The following CDH12 variants were observed in gnomAD, a reference collection of about 807,000 sequenced individuals.
CDH12 encodes cadherin 12, also known as cadherin-12.
CDH12 carries 41 observed loss-of-function variants against 74.1 expected under a neutral mutation model. The observed-to-expected ratio is 0.55, with a 90% CI of 0.43 to 0.72. The LOEUF is 0.72. Ranked by LOEUF, CDH12 falls within the 30% of genes least tolerant of loss-of-function variation. The probability of loss-of-function intolerance (pLI) is 0.00; values close to 1 mark genes in which losing one functional copy is unlikely to be tolerated. For synonymous variants in CDH12, 399 were observed against 355.0 expected, an observed-to-expected ratio of 1.12 and a Z score of -1.39; for missense variants, 945 against 977.2, an observed-to-expected ratio of 0.97 and a Z score of 0.44.
At chr5:22,462,755 A>C (rs764689674) in intron 2 of CDH12, among the ~76,000 whole-genome samples, 7 of 152,180 alleles carry the variant, frequency 4.6e-5, no homozygotes, top group Non-Finnish European at 1.0e-4. Flanking sequence ...GCACACACTG[A>C]AATTAAATAA....
At chr5:22,255,458 A>T (rs1365565566) in intron 3 of CDH12, among the ~76,000 whole-genome samples, 1 of 151,798 alleles carries the variant, frequency 6.6e-6, no homozygotes, top group African/African-American at 2.4e-5. Context: ...ATTTTTTGTT[A>T]CATCATTAGC....
intron 3 of CDH12, among the ~76,000 whole-genome samples, chr5:22,365,611 T>G (rs1740996585): frequency 6.6e-6 from 1 of 152,212 alleles, no homozygotes; most frequent in African/African-American, 2.4e-5. Context: ...GTTAACTAGC[T>G]AGATTAATTA....
intron 1 of CDH12, among the ~76,000 whole-genome samples, chr5:22,676,247 CA>C (rs1280015817): frequency 6.6e-6 from 1 of 151,828 alleles, no homozygotes; most frequent in African/African-American, 2.4e-5. Context: ...CAAAAGTCAC[CA>C]GAAAATTAAA....
At chr5:21,840,260 A>G (rs1749764904) in intron 8 of CDH12, among the ~76,000 whole-genome samples, 1 of 152,140 alleles carries the variant, frequency 6.6e-6, no homozygotes, top group Non-Finnish European at 1.5e-5. Context: ...CATTTATATT[A>G]CTTTCTCAGT....
chr5:22,615,556 A>G (rs1737651336), intron 1 of CDH12, among the ~76,000 whole-genome samples: 1 of 152,116 alleles, frequency 6.6e-6, no homozygotes, highest in Middle Eastern at 3.2e-3. Context: ...GATCCCTGTC[A>G]AATGAAACTT....
chr5:22,402,962 G>T (rs976760793), intron 3 of CDH12, among the ~76,000 whole-genome samples: 1 of 152,186 alleles, frequency 6.6e-6, no homozygotes, highest in Admixed American at 6.5e-5. Context: ...GTGATGGAAA[G>T]AAGGAAGATG....
intron 5 of CDH12, among the ~76,000 whole-genome samples, chr5:21,979,671 T>C (rs995149347): frequency 9.8e-5 from 15 of 152,296 alleles, no homozygotes; most frequent in African/African-American, 3.6e-4. Flanking sequence ...TTTATTTTCA[T>C]TTGTCATTTG....
chr5:22,618,849 T>C (rs143337192), intron 1 of CDH12, among the ~76,000 whole-genome samples: 294 of 152,110 alleles, frequency 1.9e-3, no homozygotes, highest in Middle Eastern at 6.8e-3. Context: ...GCTCTCATGA[T>C]AGTGAGTAAG....
chr5:22,259,046 T>C (rs887053565), intron 3 of CDH12, among the ~76,000 whole-genome samples: 3 of 152,164 alleles, frequency 2.0e-5, no homozygotes, highest in Admixed American at 6.6e-5. Flanking sequence ...TACACACAAA[T>C]GTAAAATTTT....
At chr5:22,730,307 G>C (rs183445027) in intron 1 of CDH12, among the ~76,000 whole-genome samples, 76 of 151,764 alleles carry the variant, frequency 5.0e-4, no homozygotes, top group Admixed American at 1.1e-3. Flanking sequence ...TAATTTAAGA[G>C]GATAAGACCC....
chr5:22,666,580 G>A (rs891580607), intron 1 of CDH12, among the ~76,000 whole-genome samples: 2 of 151,898 alleles, frequency 1.3e-5, no homozygotes, highest in African/African-American at 4.8e-5. Context: ...TTGAGCCACC[G>A]CGCCCGGCCC....
chr5:21,865,723 A>G (rs1299309432), intron 6 of CDH12, among the ~76,000 whole-genome samples: 1 of 152,120 alleles, frequency 6.6e-6, no homozygotes, highest in Non-Finnish European at 1.5e-5. Context: ...GGGCTGTAAG[A>G]TCATGGTAGC....
chr5:22,182,030 T>C (rs574161229), intron 4 of CDH12, among the ~76,000 whole-genome samples: 40 of 152,262 alleles, frequency 2.6e-4, no homozygotes, highest in South Asian at 2.1e-4. Flanking sequence ...GTTTTCTAAG[T>C]ATATCACTCC....
At chr5:22,042,903 A>G (rs1739676280) in intron 5 of CDH12, among the ~76,000 whole-genome samples, 1 of 151,558 alleles carries the variant, frequency 6.6e-6, no homozygotes, top group Non-Finnish European at 1.5e-5. Context: ...AAAAAAAAAA[A>G]AAAAAAAAAT....
intron 6 of CDH12, among the ~76,000 whole-genome samples, chr5:21,974,068 A>G (rs1476679465): frequency 3.9e-5 from 6 of 152,088 alleles, no homozygotes; most frequent in Non-Finnish European, 8.8e-5. Flanking sequence ...ATTATAGTAA[A>G]TCCATGTGAC....
intron 4 of CDH12, among the ~76,000 whole-genome samples, chr5:22,097,955 G>C (rs1040862930): frequency 6.6e-6 from 1 of 152,060 alleles, no homozygotes; most frequent in African/African-American, 2.4e-5. Context: ...ACCAGACAAG[G>C]CTTACAGGTT....
intron 1 of CDH12, among the ~76,000 whole-genome samples, chr5:22,630,245 T>C (rs1236707202): frequency 1.3e-5 from 2 of 151,934 alleles, no homozygotes; most frequent in African/African-American, 4.8e-5. Context: ...ATCACAGAAT[T>C]AGAAAAAAAG....
intron 3 of CDH12, among the ~76,000 whole-genome samples, chr5:22,222,843 A>C (rs951735357): frequency 6.6e-6 from 1 of 152,034 alleles, no homozygotes; most frequent in Non-Finnish European, 1.5e-5. Flanking sequence ...AAGATGAGTT[A>C]GTAATAATTT....
At chr5:22,473,485 G>C (rs996380726) in intron 2 of CDH12, among the ~76,000 whole-genome samples, 1 of 152,002 alleles carries the variant, frequency 6.6e-6, no homozygotes, top group Non-Finnish European at 1.5e-5. Flanking sequence ...ACTCACCTTA[G>C]TTTAATATTT....
Sources: allele counts gnomAD v4.1 joint callset (sites outside exome capture counted in the v4.1 genomes callset), GRCh38; gene constraint gnomAD v4.1.1; transcripts MANE v1.5; gene names NCBI Gene and HGNC (gene_info 2026-07-23, HGNC 2026-07-21).